OR56A3: variants seen among roughly 807,000 people sequenced by gnomAD.
The protein encoded by OR56A3 is olfactory receptor 56A3.
OR56A3 carries 23 observed loss-of-function variants against 17.5 expected under a neutral mutation model. The observed-to-expected ratio is 1.32, with a 90% CI of 0.95 to 1.87. OR56A3 has a LOEUF of 1.87. Ranked by LOEUF, OR56A3 falls within the 40% of genes most tolerant of loss-of-function variation. The probability of loss-of-function intolerance (pLI) is 0.00; values close to 1 mark genes in which losing one functional copy is unlikely to be tolerated. For synonymous variants in OR56A3, 175 were observed against 150.6 expected, an observed-to-expected ratio of 1.16 and a Z score of -1.19; for missense variants, 366 against 380.1, an observed-to-expected ratio of 0.96 and a Z score of 0.31.
the OR56A3 span, among the ~76,000 whole-genome samples, chr11:6,011,314 C>G: frequency 6.6e-6 from 1 of 151,686 alleles, no homozygotes; most frequent in African/African-American, 2.4e-5. Flanking sequence ...ATATGGAGGG[C>G]AGCACTCATA....
chr11:5,948,358 T>A lies in OR56A3; in HGVS notation c.*64T>A. 2 of 1,116,484 alleles carry A rather than the reference T, an allele frequency of 1.8e-6. No individual in the cohort carries two copies. The highest frequency in any genetic ancestry group is 2.6e-6 in the Non-Finnish European group (2 of 767,960). The allele number at this position is 1,116,484 out of a possible 1,614,324, so 69.2% of individuals were successfully genotyped here. ...ATTTATTAATCACTTAATGAGTGAG[T>A]GGGCTGAAATTCATATCTGTGACTT... is the stretch of plus-strand genomic sequence containing the variant. On this transcript the variant is annotated 3_prime_UTR_variant, in exon 3 of 3. Transcript: ENST00000641160.
the OR56A3 span, chr11:5,986,679 T>C: frequency 6.2e-7 from 1 of 1,613,910 alleles, no homozygotes; most frequent in Non-Finnish European, 8.5e-7. Context: ...CGATGGCAGC[T>C]AGCATGGACA....
chr11:5,980,710 A>T, the OR56A3 span, among the ~76,000 whole-genome samples: 2 of 152,002 alleles, frequency 1.3e-5, no homozygotes, highest in African/African-American at 4.8e-5. Flanking sequence ...TGCAGATTTG[A>T]TCCTATCGTG....
At chr11:5,960,356 C>A in the OR56A3 span, among the ~76,000 whole-genome samples, 3 of 152,132 alleles carry the variant, frequency 2.0e-5, no homozygotes, top group African/African-American at 7.2e-5. Flanking sequence ...CTGCAGCCTC[C>A]CTGCCTGATT....
chr11:6,005,574 C>A, the OR56A3 span, among the ~76,000 whole-genome samples: 2 of 152,138 alleles, frequency 1.3e-5, no homozygotes, highest in Non-Finnish European at 2.9e-5. Context: ...GTGTCTTAGA[C>A]CACTTTAACC....
the OR56A3 span, among the ~76,000 whole-genome samples, chr11:5,970,241 A>T: frequency 6.6e-6 from 1 of 152,348 alleles, no homozygotes; most frequent in African/African-American, 2.4e-5. Context: ...ATACTTATGG[A>T]GAATATATAA....
chr11:5,989,224 T>G, the OR56A3 span, among the ~76,000 whole-genome samples: 1,157 of 152,322 alleles, frequency 7.6e-3, 16 homozygotes, highest in African/African-American at 0.026. Flanking sequence ...GAAAGTCCAT[T>G]GTCTTTTTTG....
chr11:5,955,625 T>C (rs891337524), downstream of OR56A3, among the ~76,000 whole-genome samples: 1 of 152,182 alleles, frequency 6.6e-6, no homozygotes, highest in African/African-American at 2.4e-5. Context: ...ATTGGCATGC[T>C]TCTGGGGGGT....
At chr11:5,960,494 C>T in the OR56A3 span, among the ~76,000 whole-genome samples, 2 of 152,224 alleles carry the variant, frequency 1.3e-5, no homozygotes, top group South Asian at 2.1e-4. Flanking sequence ...CTCCTGACCG[C>T]GAGTGGTCTG....
the OR56A3 span, chr11:5,995,077 G>A: frequency 6.6e-6 from 4 of 609,176 alleles, no homozygotes; most frequent in African/African-American, 7.4e-5. Flanking sequence ...ACTGCTGACT[G>A]GCCGGGTGCC....
the OR56A3 span, among the ~76,000 whole-genome samples, chr11:5,988,672 C>T: frequency 6.6e-6 from 1 of 152,144 alleles, no homozygotes; most frequent in Non-Finnish European, 1.5e-5. Flanking sequence ...TCTTTGTCTC[C>T]ATGACTCTGC....
chr11:5,967,180 T>C, the OR56A3 span: 1 of 164,282 alleles, frequency 6.1e-6, no homozygotes, highest in African/African-American at 2.4e-5. Flanking sequence ...AACCAAGACA[T>C]CTAACACATA....
chr11:5,976,150 AG>A, the OR56A3 span, among the ~76,000 whole-genome samples: 1 of 151,810 alleles, frequency 6.6e-6, no homozygotes, highest in African/African-American at 2.4e-5. Context: ...GGAGAGGGAG[AG>A]GAAAAGGGAG....
chr11:6,014,403 A>C, the OR56A3 span, among the ~76,000 whole-genome samples: 1 of 152,220 alleles, frequency 6.6e-6, no homozygotes, highest in East Asian at 1.9e-4. Flanking sequence ...AATAGTTATC[A>C]TAAGATCTGT....
the OR56A3 span, among the ~76,000 whole-genome samples, chr11:5,997,790 G>A: frequency 5.3e-5 from 8 of 152,132 alleles, no homozygotes; most frequent in Admixed American, 2.0e-4. Flanking sequence ...TCCATAAACC[G>A]GGGTCATTTT....
the OR56A3 span, among the ~76,000 whole-genome samples, chr11:6,012,849 C>A: frequency 1.3e-5 from 2 of 152,272 alleles, no homozygotes; most frequent in African/African-American, 4.8e-5. Context: ...AAGTCCAGGG[C>A]AGCCAAGGTG....
chr11:5,975,755 T>C, the OR56A3 span, among the ~76,000 whole-genome samples: 199 of 152,202 alleles, frequency 1.3e-3, 5 homozygotes, highest in Admixed American at 0.013. Context: ...ATGGTATTTC[T>C]AGTTCTAGAT....
the OR56A3 span, among the ~76,000 whole-genome samples, chr11:5,991,057 T>C: frequency 6.6e-6 from 1 of 152,212 alleles, no homozygotes; most frequent in Non-Finnish European, 1.5e-5. Flanking sequence ...AAGAGGATTT[T>C]CTATTCAGAA....
At chr11:6,005,224 T>C in the OR56A3 span, among the ~76,000 whole-genome samples, 1 of 152,120 alleles carries the variant, frequency 6.6e-6, no homozygotes, top group Non-Finnish European at 1.5e-5. Context: ...GAAGTTCTGT[T>C]AGGTCAAAAG....
Sources: gnomAD v4.1 joint callset for allele counts (sites outside exome capture counted in the v4.1 genomes callset) on GRCh38, gnomAD v4.1.1 for gene constraint, MANE v1.5 for transcripts, NCBI Gene and HGNC (gene_info 2026-07-23, HGNC 2026-07-21) for gene names.